Variants in PCED1B observed in about 807,000 individuals in gnomAD.
The protein encoded by PCED1B is PC-esterase domain containing 1B, also known as PC-esterase domain-containing protein 1B.
For synonymous variants in PCED1B, 251 were observed against 246.1 expected, an observed-to-expected ratio of 1.02 and a Z score of -0.19; for missense variants, 573 against 573.9, an observed-to-expected ratio of 1.00 and a Z score of 0.02.
At chr12:47,134,680 C>CA in intron 2 of PCED1B, among the ~76,000 whole-genome samples, 1 of 152,226 alleles carries the variant, frequency 6.6e-6, no homozygotes, top group Non-Finnish European at 1.5e-5. Flanking sequence ...CCATCCTGGC[C>CA]AACAAGGTGA....
Position 47,222,297 on chromosome 12 carries a change from C to A in PCED1B, c.-58+5608C>A, listed in dbSNP as rs1366525079. Among the ~76,000 whole-genome samples, 11 of 151,342 alleles carry A rather than the reference C, an allele frequency of 7.3e-5. No individual in the cohort carries two copies. The East Asian group carries it at 2.2e-3, about 30-fold the overall frequency. Reference sequence around the variant, plus strand: ...ATTAGCCGGGCGTGGTAGCACGTGCCTGTAATTCCAGCTACTTGGGAGGCT... The same window carrying A: ...ATTAGCCGGGCGTGGTAGCACGTGCATGTAATTCCAGCTACTTGGGAGGCT... On this transcript the variant is annotated intron_variant, in intron 3 of 3. Transcript: ENST00000546455.
At chr12:47,223,084 G>C (rs2137845983) in intron 3 of PCED1B, among the ~76,000 whole-genome samples, 1 of 152,228 alleles carries the variant, frequency 6.6e-6, no homozygotes, top group Non-Finnish European at 1.5e-5. Flanking sequence ...CCTTGAGAAA[G>C]ACCTGGAAGG....
chr12:47,195,783 A>G (rs1942585212), intron 2 of PCED1B, among the ~76,000 whole-genome samples: 1 of 152,046 alleles, frequency 6.6e-6, no homozygotes, highest in Admixed American at 6.5e-5. Context: ...TCATTTCCTC[A>G]CCCTCTATTC....
At position 47,138,509 on chromosome 12, in the gene PCED1B, G is replaced by T. The variant is rs1178288675; in HGVS notation, c.-526+34314G>T. On this transcript the variant is annotated intron_variant, in intron 2 of 3. Transcript: ENST00000546455. ...TTGACTTCCTAACTTTCAGTAGCCTGGCTCACATTTTTAGACTATTAATTA... is the reference window on the plus strand; with the variant it reads ...TTGACTTCCTAACTTTCAGTAGCCTTGCTCACATTTTTAGACTATTAATTA... 5 of 152,252 alleles carry T rather than the reference G, an allele frequency of 3.3e-5. No homozygotes were observed. The South Asian group carries it at 6.2e-4, about 19-fold the overall frequency. 9.4% of individuals were successfully genotyped at this position (152,252 alleles called of 1,614,324 possible). A position where few individuals can be genotyped will look rare whatever the true frequency, so the allele number is the denominator to read the frequency against.
chr12:47,131,044 A>C (rs983169820), intron 2 of PCED1B, among the ~76,000 whole-genome samples: 3 of 152,214 alleles, frequency 2.0e-5, no homozygotes, highest in African/African-American at 7.2e-5. Flanking sequence ...ATCCGCCAAA[A>C]ACAGTTTTTA....
chr12:47,207,042 G>T (rs1204881088), intron 2 of PCED1B, among the ~76,000 whole-genome samples: 2 of 152,188 alleles, frequency 1.3e-5, no homozygotes, highest in African/African-American at 4.8e-5. Context: ...AGCTTTGAAT[G>T]GGATTTTAGC....
chr12:47,137,103 C>G (rs1940405783), intron 2 of PCED1B, among the ~76,000 whole-genome samples: 1 of 152,216 alleles, frequency 6.6e-6, no homozygotes, highest in African/African-American at 2.4e-5. Flanking sequence ...AGTAACATAT[C>G]TGTAGACTAC....
intron 3 of PCED1B, among the ~76,000 whole-genome samples, chr12:47,229,968 G>C (rs1943750516): frequency 6.6e-6 from 1 of 151,152 alleles, no homozygotes; most frequent in South Asian, 2.1e-4. Context: ...TAGAGACGGG[G>C]TTTCACCGTG....
At chr12:47,188,809 C>T (rs947839118) in intron 2 of PCED1B, among the ~76,000 whole-genome samples, 5 of 152,208 alleles carry the variant, frequency 3.3e-5, no homozygotes, top group African/African-American at 1.2e-4. Context: ...ATTCATTTCA[C>T]TCATTCTCCG....
intron 2 of PCED1B, among the ~76,000 whole-genome samples, chr12:47,169,897 CTT>C (rs35457537): frequency 0.055 from 5,538 of 100,544 alleles, 144 homozygotes; most frequent in Middle Eastern, 0.1. Context: ...TATTACTCAT[CTT>C]TTTTTTTTTT....
chr12:47,205,944 C>T (rs1273931808), intron 2 of PCED1B: 1 of 152,138 alleles, frequency 6.6e-6, no homozygotes, highest in Admixed American at 6.5e-5. Flanking sequence ...TCTCCCCCAG[C>T]GTTTGGAGAG....
At chr12:47,084,476 T>C (rs948247142) in intron 1 of PCED1B, among the ~76,000 whole-genome samples, 7 of 152,230 alleles carry the variant, frequency 4.6e-5, no homozygotes, top group African/African-American at 1.7e-4. Flanking sequence ...CTATTTCCCT[T>C]TCTCTCAGCC....
chr12:47,199,965 T>C (rs1942715770), intron 2 of PCED1B, among the ~76,000 whole-genome samples: 1 of 152,060 alleles, frequency 6.6e-6, no homozygotes, highest in South Asian at 2.1e-4. Flanking sequence ...TATTTGCAAA[T>C]ATATCTGATT....
intron 3 of PCED1B, among the ~76,000 whole-genome samples, chr12:47,219,172 A>T (rs1372718850): frequency 2.0e-5 from 3 of 152,254 alleles, no homozygotes; most frequent in African/African-American, 7.2e-5. Flanking sequence ...TTCTTTTTCC[A>T]TAGAAACACT....
At chr12:47,159,378 T>C (rs1056476930) in intron 2 of PCED1B, among the ~76,000 whole-genome samples, 31 of 152,080 alleles carry the variant, frequency 2.0e-4, no homozygotes, top group Admixed American at 1.8e-3. Flanking sequence ...TGTATAAGAG[T>C]TCCCTTTTCT....
intron 1 of PCED1B, among the ~76,000 whole-genome samples, chr12:47,103,871 G>A (rs934908798): frequency 7.9e-5 from 12 of 152,172 alleles, no homozygotes; most frequent in African/African-American, 1.4e-4. Flanking sequence ...TTTTTAGCAC[G>A]TTTATTTTCT....
At chr12:47,218,124 AAGGT>A (rs1205933587) in intron 3 of PCED1B, among the ~76,000 whole-genome samples, 2 of 152,184 alleles carry the variant, frequency 1.3e-5, no homozygotes, top group African/African-American at 4.8e-5. Flanking sequence ...AATTAACTCT[AAGGT>A]AGGCAGTGCA....
intron 2 of PCED1B, among the ~76,000 whole-genome samples, chr12:47,153,355 CAAAA>C (rs11299918): frequency 4.2e-5 from 4 of 95,266 alleles, no homozygotes; most frequent in East Asian, 3.1e-4. Context: ...GACTCCTTCT[CAAAA>C]AAAAAAAAAA....
chr12:47,145,061 A>G (rs1293855666), intron 2 of PCED1B, among the ~76,000 whole-genome samples: 3 of 152,254 alleles, frequency 2.0e-5, no homozygotes, highest in Non-Finnish European at 4.4e-5. Flanking sequence ...AAATTCTTGA[A>G]GCAAATTAAA....
Sources: gnomAD v4.1 joint callset for allele counts (sites outside exome capture counted in the v4.1 genomes callset) on GRCh38, gnomAD v4.1.1 for gene constraint, MANE v1.5 for transcripts, NCBI Gene and HGNC (gene_info 2026-07-23, HGNC 2026-07-21) for gene names.